The following TET1 variants were observed in gnomAD, a reference collection of about 807,000 sequenced individuals.
TET1 encodes tet methylcytosine dioxygenase 1, also known as methylcytosine dioxygenase TET1.
Under a neutral mutation model 148.7 loss-of-function variants are expected in TET1, and 13 were observed. That is an observed-to-expected ratio of 0.09 (90% CI 0.06 to 0.14). The LOEUF (loss-of-function observed/expected upper bound fraction) is 0.14, where lower values mean the gene tolerates loss of function less well. Among genes scored for constraint, TET1 ranks in the 10% least tolerant of loss-of-function variants. The pLI, the probability that TET1 is intolerant of heterozygous loss-of-function variation, is 1.00. For synonymous variants in TET1, 907 were observed against 937.2 expected, an observed-to-expected ratio of 0.97 and a Z score of 0.59; for missense variants, 2,182 against 2,553.8, an observed-to-expected ratio of 0.85 and a Z score of 3.14.
chr10:68,663,967 A>G (rs929397313), intron 6 of TET1, among the ~76,000 whole-genome samples: 1 of 152,066 alleles, frequency 6.6e-6, no homozygotes, highest in African/African-American at 2.4e-5. Context: ...CAGTATCTTT[A>G]TCACAACACT....
intron 3 of TET1, among the ~76,000 whole-genome samples, chr10:68,638,675 C>G (rs1349783985): frequency 1.3e-5 from 2 of 151,390 alleles, no homozygotes; most frequent in African/African-American, 4.9e-5. Context: ...CTTTATTTTT[C>G]TATATGATTT....
In TET1 at chr10:68,574,876, T is replaced by A. The variant is rs2053710555; in HGVS notation, c.1914+624T>A. 2.6e-5 allele frequency among the ~76,000 whole-genome samples: 4 copies of A among 152,314 alleles called. No homozygotes were observed. In the South Asian group the frequency reaches 8.3e-4, roughly 32 times the overall value. ...TCCAAAGTGATACACAAACATTAGT[T>A]CTTATTATAGTTTATGAACCTAAGG... is the stretch of plus-strand genomic sequence containing the variant. On this transcript the variant is annotated intron_variant, in intron 2 of 11. Transcript: ENST00000373644.
Position 68,693,964 on chromosome 10 carries a change from A to G in TET1, c.*2150A>G. 4.3e-6 allele frequency: 1 copy of G among 230,598 alleles called. No homozygotes were observed. Among genetic ancestry groups the G allele is most frequent in the Non-Finnish European group, 8.6e-6 (1 of 116,508 alleles). The allele number at this position is 230,598 out of a possible 1,614,324, so 14.3% of individuals were successfully genotyped here. A position where few individuals can be genotyped will look rare whatever the true frequency, so the allele number is the denominator to read the frequency against. ...AAGTATCACTTTTATTTTTCTTTGG[A>G]TCACCACCTATGACATAGTAAACTT... is the stretch of plus-strand genomic sequence containing the variant. On this transcript the variant is annotated 3_prime_UTR_variant, in exon 12 of 12. Coordinates refer to ENST00000373644, the MANE Select transcript of TET1 (RefSeq NM_030625.3).
At chr10:68,597,121 C>G (rs572662807) in intron 2 of TET1, among the ~76,000 whole-genome samples, 4 of 148,818 alleles carry the variant, frequency 2.7e-5, no homozygotes, top group Non-Finnish European at 5.9e-5. Context: ...GCAACCTCCA[C>G]CTCCCAGGTT....
chr10:68,611,870 G>C (rs1401047584), intron 3 of TET1, among the ~76,000 whole-genome samples: 1 of 132,900 alleles, frequency 7.5e-6, no homozygotes, highest in East Asian at 2.2e-4. Flanking sequence ...GGGAGAGAGA[G>C]AGAGAGAGAG....
At chr10:68,674,913 T>A (rs997078640) in intron 8 of TET1, 2 of 388,144 alleles carry the variant, frequency 5.2e-6, no homozygotes, top group Non-Finnish European at 9.7e-6. Context: ...ATAGAAAAAA[T>A]TCTTGCCAAT....
At chr10:68,676,254 ATATATATATATATATTTTTTTTTTTTT>A (rs1781919949) in intron 8 of TET1, among the ~76,000 whole-genome samples, 1 of 36,816 alleles carries the variant, frequency 2.7e-5, no homozygotes. Context: ...ATATATATAT[ATATATATATATATATTTTTTTTTTTTT>A]TTTTTTTTTT....
intron 6 of TET1, among the ~76,000 whole-genome samples, chr10:68,664,150 T>C (rs1386160240): frequency 6.6e-6 from 1 of 152,092 alleles, no homozygotes. Flanking sequence ...TCCTTTTTAC[T>C]GTGTTTTACT....
At chr10:68,596,902 A>G (rs184349057) in intron 2 of TET1, among the ~76,000 whole-genome samples, 8 of 152,218 alleles carry the variant, frequency 5.3e-5, no homozygotes, top group African/African-American at 1.4e-4. Context: ...TATCCTATAC[A>G]GTGAAAACAC....
At chr10:68,666,698 A>G (rs2055200141) in intron 6 of TET1, among the ~76,000 whole-genome samples, 1 of 152,206 alleles carries the variant, frequency 6.6e-6, no homozygotes, top group Non-Finnish European at 1.5e-5. Context: ...ATATAGGTTC[A>G]GGTACTCTTG....
At position 68,615,502 on chromosome 10, in the gene TET1, C is replaced by T. The variant is rs569691146; in HGVS notation, c.1968+14468C>T. Among the ~76,000 whole-genome samples, 18 of 151,926 alleles carry T rather than the reference C, an allele frequency of 1.2e-4. No homozygotes were observed. In the South Asian group the frequency reaches 1.2e-3, roughly 11 times the overall value. On this transcript the variant is annotated intron_variant, in intron 3 of 11. Coordinates refer to ENST00000373644, the MANE Select transcript of TET1 (RefSeq NM_030625.3). ...CTGGGACTGCAGGCACCCACCACTA[C>T]GCCTGGCTAATTTTTGTATTTTTAG...
intron 1 of TET1, among the ~76,000 whole-genome samples, chr10:68,568,217 CTTTTTTTTTTTT>C (rs566751115): frequency 2.1e-5 from 2 of 93,810 alleles, no homozygotes; most frequent in Non-Finnish European, 4.1e-5. Context: ...CGCGCCCAGT[CTTTTTTTTTTTT>C]TTTTTTTTTT....
At chr10:68,678,901 C>T (rs1424446885) in intron 8 of TET1, among the ~76,000 whole-genome samples, 1 of 151,916 alleles carries the variant, frequency 6.6e-6, no homozygotes, top group Non-Finnish European at 1.5e-5. Context: ...TAGGGCCGGG[C>T]ACAGTGGCTC....
At position 68,645,032 on chromosome 10, in the gene TET1, C is replaced by G; in HGVS notation, c.2303C>G (p.Ala768Gly). ...ATTAAACATGTACACTGTTTACCAG[C>G]TGAAACAAATGTTTCATTTAAAAAA... ...NGIKHVHCLP[A>G]ETNVSFKKFN... Residue 768 changes from alanine (A) to glycine (G), a missense_variant, in exon 4 of 12, where the codon GCT becomes GGT. Ala to Gly is a moderately conservative substitution (Grantham distance 60). Transcript: ENST00000373644. 6.2e-7 allele frequency: 1 copy of G among 1,613,272 alleles called. No individual in the cohort carries two copies. The highest frequency in any genetic ancestry group is 8.5e-7 in the Non-Finnish European group (1 of 1,179,754).
intron 2 of TET1, among the ~76,000 whole-genome samples, chr10:68,576,866 T>A (rs1010196998): frequency 1.3e-5 from 2 of 151,888 alleles, no homozygotes; most frequent in Non-Finnish European, 2.9e-5. Flanking sequence ...TTCAACCTCC[T>A]GCATAGCTGG....
At chr10:68,618,351 G>A (rs1266530714) in intron 3 of TET1, among the ~76,000 whole-genome samples, 2 of 152,094 alleles carry the variant, frequency 1.3e-5, no homozygotes, top group African/African-American at 4.8e-5. Context: ...ATAGGTATTA[G>A]GGAATGAGGC....
At chr10:68,610,548 C>T (rs1021010817) in intron 3 of TET1, among the ~76,000 whole-genome samples, 2 of 151,872 alleles carry the variant, frequency 1.3e-5, no homozygotes, top group African/African-American at 2.4e-5. Flanking sequence ...TTGAGATCGC[C>T]CACTGCACTC....
chr10:68,668,408 C>T (rs1269127802), intron 7 of TET1, among the ~76,000 whole-genome samples: 3 of 152,166 alleles, frequency 2.0e-5, no homozygotes, highest in East Asian at 3.9e-4. Flanking sequence ...GAGCGATATT[C>T]GGGGAACTGC....
intron 4 of TET1, among the ~76,000 whole-genome samples, chr10:68,649,373 C>T (rs1307457402): frequency 1.3e-5 from 2 of 151,952 alleles, no homozygotes; most frequent in Non-Finnish European, 2.9e-5. Flanking sequence ...TTTGGGAGGC[C>T]GAGGCGGGCA....
Sources: gnomAD v4.1 joint callset for allele counts (sites outside exome capture counted in the v4.1 genomes callset) on GRCh38, gnomAD v4.1.1 for gene constraint, MANE v1.5 for transcripts, NCBI Gene and HGNC (gene_info 2026-07-23, HGNC 2026-07-21) for gene names.